Variants in GRIN3A observed in about 807,000 individuals in gnomAD.
GRIN3A encodes glutamate ionotropic receptor NMDA type subunit 3A.
A neutral mutation model predicts 92.4 loss-of-function variants in GRIN3A; 47 were observed. The observed-to-expected ratio is 0.51, with a 90% CI of 0.40 to 0.65. The LOEUF is 0.65. Ranked by LOEUF, GRIN3A falls within the 30% of genes least tolerant of loss-of-function variation. The pLI is 0.00. For synonymous variants in GRIN3A, 527 were observed against 540.6 expected, an observed-to-expected ratio of 0.97 and a Z score of 0.35; for missense variants, 1,324 against 1,393.1, an observed-to-expected ratio of 0.95 and a Z score of 0.79.
chr9:101,702,335 A>G, intron 1 of GRIN3A, among the ~76,000 whole-genome samples: 1 of 151,960 alleles, frequency 6.6e-6, no homozygotes, highest in East Asian at 1.9e-4. Context: ...TTCACTTTAC[A>G]TTTTCTTATC....
rs377299551 is a variant in GRIN3A, at chr9:101,590,270, G to T, written c.2767-10910C>A. On this transcript the variant is annotated intron_variant, in intron 6 of 8. Coordinates refer to ENST00000361820, the MANE Select transcript of GRIN3A (RefSeq NM_133445.3). ...AGTCATTGGCTACTGGGGTAGGTAC[G>T]GTAGTTGACACGGCAGCAGAGAAGT... 6.6e-5 allele frequency among the ~76,000 whole-genome samples: 10 copies of T among 152,264 alleles called. No homozygotes were observed. In the South Asian group the frequency reaches 2.1e-3, roughly 32 times the overall value.
intron 1 of GRIN3A, among the ~76,000 whole-genome samples, chr9:101,731,019 T>G (rs1326776619): frequency 6.6e-6 from 1 of 152,164 alleles, no homozygotes; most frequent in Non-Finnish European, 1.5e-5. Context: ...TTTTGTAAAA[T>G]TTTTCTATCT....
At chr9:101,650,259 T>C (rs1272792642) in intron 3 of GRIN3A, among the ~76,000 whole-genome samples, 2 of 152,006 alleles carry the variant, frequency 1.3e-5, no homozygotes, top group Non-Finnish European at 2.9e-5. Flanking sequence ...CCAACTCTTT[T>C]CTCCTTTCTG....
chr9:101,700,147 TG>T (rs1421998533), intron 1 of GRIN3A, among the ~76,000 whole-genome samples: 1 of 152,170 alleles, frequency 6.6e-6, no homozygotes, highest in Non-Finnish European at 1.5e-5. Context: ...AAGACAGAGA[TG>T]CTGTTTTATA....
At chr9:101,677,399 C>T (rs2118963644) in intron 2 of GRIN3A, among the ~76,000 whole-genome samples, 1 of 151,852 alleles carries the variant, frequency 6.6e-6, no homozygotes, top group South Asian at 2.1e-4. Context: ...CCCTCCCTCT[C>T]CCCCTTTTCT....
chr9:101,738,130 T>C lies in GRIN3A; in HGVS notation c.-151A>G. 1 of 741,320 alleles carries C rather than the reference T, an allele frequency of 1.3e-6. No homozygotes were observed. The highest frequency in any genetic ancestry group is 2.7e-5 in the East Asian group (1 of 37,086). The allele number at this position is 741,320 out of a possible 1,614,324, so 45.9% of individuals were successfully genotyped here. A position where few individuals can be genotyped will look rare whatever the true frequency, so the allele number is the denominator to read the frequency against. ...AGGAGCTGGAGCGGTCTCTAGGCCA[T>C]GCAAGTTGGAGCGTAGCGCGCCTCC... On this transcript the variant is annotated 5_prime_UTR_variant, in exon 1 of 9. The change abolishes an upstream ATG in the 5' untranslated region. Transcript: ENST00000361820.
intron 6 of GRIN3A, among the ~76,000 whole-genome samples, chr9:101,611,651 A>G (rs1251941270): frequency 6.6e-6 from 1 of 152,256 alleles, no homozygotes; most frequent in Non-Finnish European, 1.5e-5. Flanking sequence ...TATATGAGAC[A>G]TTGACAATAC....
At chr9:101,724,905 G>A (rs958142805) in intron 1 of GRIN3A, among the ~76,000 whole-genome samples, 1 of 152,234 alleles carries the variant, frequency 6.6e-6, no homozygotes, top group African/African-American at 2.4e-5. Flanking sequence ...CATGTTTGTG[G>A]ATGGCCTTGA....
At chr9:101,617,796 C>G (rs1037894654) in intron 5 of GRIN3A, among the ~76,000 whole-genome samples, 1 of 139,724 alleles carries the variant, frequency 7.2e-6, no homozygotes, top group Non-Finnish European at 1.5e-5. Flanking sequence ...ATCCCTCCCC[C>G]CTCCCCCAAC....
intron 8 of GRIN3A, among the ~76,000 whole-genome samples, chr9:101,574,390 T>C (rs1453866839): frequency 1.3e-5 from 2 of 152,152 alleles, no homozygotes; most frequent in Non-Finnish European, 2.9e-5. Context: ...TTTTCCACCA[T>C]AGGAGAAGAA....
intron 3 of GRIN3A, among the ~76,000 whole-genome samples, chr9:101,661,454 T>C (rs150502832): frequency 1.3e-5 from 2 of 151,988 alleles, no homozygotes; most frequent in African/African-American, 4.8e-5. Context: ...CATGTACATA[T>C]GCATATTACA....
At chr9:101,582,613 A>G (rs542773374) in intron 6 of GRIN3A, among the ~76,000 whole-genome samples, 3 of 152,208 alleles carry the variant, frequency 2.0e-5, no homozygotes, top group Non-Finnish European at 4.4e-5. Flanking sequence ...GTCTGAAAAT[A>G]GTCCTTGACC....
chr9:101,707,208 G>A (rs930141839), intron 1 of GRIN3A, among the ~76,000 whole-genome samples: 9 of 152,158 alleles, frequency 5.9e-5, no homozygotes, highest in African/African-American at 2.2e-4. Context: ...ACAATAGTCT[G>A]TAAGTAGCCC....
chr9:101,602,304 T>G (rs1326403567), intron 6 of GRIN3A, among the ~76,000 whole-genome samples: 1 of 152,156 alleles, frequency 6.6e-6, no homozygotes, highest in African/African-American at 2.4e-5. Context: ...AAAGATGGCT[T>G]TTGCAGTATT....
At chr9:101,633,165 T>C (rs905968386) in intron 3 of GRIN3A, among the ~76,000 whole-genome samples, 6 of 152,124 alleles carry the variant, frequency 3.9e-5, no homozygotes, top group African/African-American at 1.4e-4. Context: ...GTAGATGTAA[T>C]GTTGCAGATT....
At chr9:101,599,100 C>G (rs568301593) in intron 6 of GRIN3A, among the ~76,000 whole-genome samples, 1 of 152,246 alleles carries the variant, frequency 6.6e-6, no homozygotes, top group East Asian at 1.9e-4. Context: ...TAGCTGTGAG[C>G]CTTTGAGTGA....
At chr9:101,605,020 C>A (rs1828260595) in intron 6 of GRIN3A, among the ~76,000 whole-genome samples, 1 of 152,204 alleles carries the variant, frequency 6.6e-6, no homozygotes, top group African/African-American at 2.4e-5. Context: ...GTCTGGGTCC[C>A]TGGCCAGGGA....
Position 101,737,451 on chromosome 9 carries a change from G to T in GRIN3A, c.529C>A (p.Pro177Thr). The change falls in exon 1 of 9, where the codon CCT becomes ACT. Residue 177 changes from proline to threonine, a missense_variant. Pro to Thr is a conservative substitution (Grantham distance 38, BLOSUM62 -1). Coordinates refer to ENST00000361820, the MANE Select transcript of GRIN3A (RefSeq NM_133445.3). ...CACACACTTTGCAGGAAGGAGAAAGGGTCACTGCTCCATGGCGAACTAGGG... is the reference window on the plus strand; with the variant it reads ...CACACACTTTGCAGGAAGGAGAAAGTGTCACTGCTCCATGGCGAACTAGGG... Reference protein sequence around the residue: ...SSPSSPWSSDPFSFLQSVCHT... With the variant: ...SSPSSPWSSDTFSFLQSVCHT... 6.2e-7 allele frequency: 1 copy of T among 1,614,260 alleles called. No homozygotes were observed. Among genetic ancestry groups the T allele is most frequent in the East Asian group, 2.2e-5 (1 of 44,882 alleles).
At chr9:101,730,843 CTTA>C (rs1830129204) in intron 1 of GRIN3A, among the ~76,000 whole-genome samples, 3 of 151,972 alleles carry the variant, frequency 2.0e-5, no homozygotes, top group East Asian at 1.9e-4. Context: ...TCTTTTTTCT[CTTA>C]TTATTTTTTA....
Sources: allele counts gnomAD v4.1 joint callset (sites outside exome capture counted in the v4.1 genomes callset), GRCh38; gene constraint gnomAD v4.1.1; transcripts MANE v1.5; gene names NCBI Gene and HGNC (gene_info 2026-07-23, HGNC 2026-07-21).